PCSK2: variants seen among roughly 807,000 people sequenced by gnomAD.
PCSK2 encodes the protein neuroendocrine convertase 2.
PCSK2 carries 14 observed loss-of-function variants against 69.7 expected under a neutral mutation model. The observed-to-expected ratio is 0.20, with a 90% CI of 0.13 to 0.31. The LOEUF (loss-of-function observed/expected upper bound fraction) is 0.31. Ranked by LOEUF, PCSK2 falls within the 10% of genes least tolerant of loss-of-function variation. The probability of loss-of-function intolerance (pLI) is 1.00; values close to 1 mark genes in which losing one functional copy is unlikely to be tolerated. For synonymous variants in PCSK2, 307 were observed against 320.7 expected (o/e 0.96, Z 0.46); for missense variants, 544 against 842.5 (o/e 0.65, Z 4.39).
chr20:17,311,854 TC>T (rs1330533571), intron 2 of PCSK2, among the ~76,000 whole-genome samples: 1 of 152,188 alleles, frequency 6.6e-6, no homozygotes, highest in Non-Finnish European at 1.5e-5. Context: ...TCTTTCCCTT[TC>T]CCTACTTCTG....
In PCSK2 at chr20:17,413,574, A is replaced by G. The variant is rs188697409; in HGVS notation, c.620+4235A>G. Reference sequence around the variant, plus strand: ...TACAAAGAGACTTAGAGTCCCACACAATAATAAGGGGAGACTTTAACACCC... The same window carrying G: ...TACAAAGAGACTTAGAGTCCCACACGATAATAAGGGGAGACTTTAACACCC... On this transcript the variant is annotated intron_variant, in intron 6 of 11. Coordinates refer to ENST00000262545, the MANE Select transcript of PCSK2 (RefSeq NM_002594.5). Among the ~76,000 whole-genome samples the G allele has an allele frequency of 3.7e-3, 558 of 152,334 alleles. 4 individuals carry two copies. The highest frequency in any genetic ancestry group is 0.013 in the African/African-American group (522 of 41,578).
intron 11 of PCSK2, among the ~76,000 whole-genome samples, chr20:17,468,551 C>T (rs2033147111): frequency 6.6e-6 from 1 of 150,770 alleles, no homozygotes; most frequent in East Asian, 2.0e-4. Flanking sequence ...GGTCAGCATC[C>T]TCCCACAGGC....
intron 5 of PCSK2, among the ~76,000 whole-genome samples, chr20:17,389,065 T>C (rs1466028283): frequency 6.6e-6 from 1 of 152,178 alleles, no homozygotes; most frequent in African/African-American, 2.4e-5. Context: ...AAACTGCAAT[T>C]CTCATGACCC....
At chr20:17,269,065 G>A (rs533475584) in intron 2 of PCSK2, among the ~76,000 whole-genome samples, 1 of 152,306 alleles carries the variant, frequency 6.6e-6, no homozygotes, top group Admixed American at 6.5e-5. Flanking sequence ...CAGGTTGATG[G>A]GGAGTGGTTA....
chr20:17,469,871 G>T (rs1456255185), intron 11 of PCSK2, among the ~76,000 whole-genome samples: 1 of 152,172 alleles, frequency 6.6e-6, no homozygotes, highest in African/African-American at 2.4e-5. Flanking sequence ...CCTGGAGAAG[G>T]TGAGGCTTGG....
intron 11 of PCSK2, among the ~76,000 whole-genome samples, chr20:17,469,981 G>T (rs2033173161): frequency 6.6e-6 from 1 of 152,158 alleles, no homozygotes. Context: ...CATTCCAGAG[G>T]CCCTTTTCAC....
At chr20:17,238,294 C>T (rs201532508) in intron 1 of PCSK2, among the ~76,000 whole-genome samples, 1 of 152,162 alleles carries the variant, frequency 6.6e-6, no homozygotes. Context: ...TGTCAGACCA[C>T]TGGAGATTGC....
intron 2 of PCSK2, among the ~76,000 whole-genome samples, chr20:17,278,163 A>G (rs1275495435): frequency 6.6e-6 from 1 of 152,160 alleles, no homozygotes; most frequent in Non-Finnish European, 1.5e-5. Context: ...TCAGTGTGGC[A>G]ATTCCTCAGG....
intron 2 of PCSK2, among the ~76,000 whole-genome samples, chr20:17,299,171 C>T (rs1451248287): frequency 6.6e-6 from 1 of 152,120 alleles, no homozygotes; most frequent in Non-Finnish European, 1.5e-5. Context: ...CTAAGTGCCT[C>T]ATCTATTTGT....
intron 2 of PCSK2, among the ~76,000 whole-genome samples, chr20:17,311,150 A>G (rs1989498276): frequency 6.6e-6 from 1 of 152,134 alleles, no homozygotes. Flanking sequence ...GACACCCTCC[A>G]TTTTCATGTC....
chr20:17,319,167 T>C lies in PCSK2; in HGVS notation c.283-39160T>C, dbSNP rs549235440. On this transcript the variant is annotated intron_variant, in intron 2 of 11. Transcript: ENST00000262545. Reference sequence around the variant, plus strand: ...GGCTCCTATAATTCCCCATTTTAAATAGTTACCAAGCTACGCCCCGATAAG... The same window carrying C: ...GGCTCCTATAATTCCCCATTTTAAACAGTTACCAAGCTACGCCCCGATAAG... Among the ~76,000 whole-genome samples, 19 of 152,338 alleles carry C rather than the reference T, an allele frequency of 1.2e-4. No individual in the cohort carries two copies. In the South Asian group the frequency reaches 3.9e-3, roughly 32 times the overall value.
At chr20:17,303,292 A>G (rs1464952078) in intron 2 of PCSK2, among the ~76,000 whole-genome samples, 3 of 138,842 alleles carry the variant, frequency 2.2e-5, no homozygotes, top group African/African-American at 8.0e-5. Context: ...TATTACATGT[A>G]TATTATATAT....
intron 6 of PCSK2, among the ~76,000 whole-genome samples, chr20:17,415,409 CA>C (rs2031977374): frequency 6.6e-6 from 1 of 152,116 alleles, no homozygotes; most frequent in Non-Finnish European, 1.5e-5. Context: ...AACAGAAAGT[CA>C]AATCATAAGT....
At chr20:17,302,383 T>TTG (rs1989116127) in intron 2 of PCSK2, among the ~76,000 whole-genome samples, 2 of 152,198 alleles carry the variant, frequency 1.3e-5, no homozygotes, top group South Asian at 4.2e-4. Context: ...TGAAAAACAA[T>TTG]TTTTTCAGAT....
chr20:17,345,819 C>A (rs181701842), intron 2 of PCSK2, among the ~76,000 whole-genome samples: 1 of 152,156 alleles, frequency 6.6e-6, no homozygotes, highest in Non-Finnish European at 1.5e-5. Context: ...ATACTCTCCA[C>A]CCACCCATCT....
chr20:17,399,818 G>A (rs1381498421), intron 5 of PCSK2, among the ~76,000 whole-genome samples: 2 of 152,170 alleles, frequency 1.3e-5, no homozygotes, highest in African/African-American at 2.4e-5. Flanking sequence ...AAAAGAGGAA[G>A]TATTTCAGAT....
rs1990540633 is a variant in PCSK2, at chr20:17,342,715, C to A, written c.283-15612C>A. Among the ~76,000 whole-genome samples, 4 of 151,960 alleles carry A rather than the reference C, an allele frequency of 2.6e-5. 1 individual carries two copies. Among genetic ancestry groups the A allele is most frequent in the Admixed American group, 2.6e-4 (4 of 15,254 alleles). Reference sequence around the variant, plus strand: ...GTGGCACGATCATGGCTCACTGCAACCTTGACCTCCTGGGCTCTAGTGATC... The same window carrying A: ...GTGGCACGATCATGGCTCACTGCAAACTTGACCTCCTGGGCTCTAGTGATC... On this transcript the variant is annotated intron_variant, in intron 2 of 11. Transcript: ENST00000262545.
intron 2 of PCSK2, among the ~76,000 whole-genome samples, chr20:17,294,253 C>T (rs1439261549): frequency 1.3e-5 from 2 of 150,274 alleles, no homozygotes; most frequent in East Asian, 1.9e-4. Context: ...TACAGGCGCC[C>T]GCCACCGCGC....
At chr20:17,456,283 C>T (rs2032920854) in intron 9 of PCSK2, 65 bp from the exon 10 acceptor site, 1 of 820,878 alleles carries the variant, frequency 1.2e-6, no homozygotes, top group African/African-American at 1.7e-5. Flanking sequence ...TCCCCTGCTC[C>T]ACATTGTGCG....
Sources: gnomAD v4.1 joint callset for allele counts (sites outside exome capture counted in the v4.1 genomes callset) on GRCh38, gnomAD v4.1.1 for gene constraint, MANE v1.5 for transcripts, NCBI Gene and HGNC (gene_info 2026-07-23, HGNC 2026-07-21) for gene names.